The following MYO10 variants were observed in gnomAD, a reference collection of about 807,000 sequenced individuals.
MYO10 encodes unconventional myosin-X.
In MYO10, 133 loss-of-function variants were observed where a neutral mutation model predicts 257.3. That is an observed-to-expected ratio of 0.52 (90% CI 0.45 to 0.60). The LOEUF (loss-of-function observed/expected upper bound fraction) is 0.60. Among genes scored for constraint, MYO10 ranks in the 20% least tolerant of loss-of-function variants. The probability of loss-of-function intolerance (pLI) is 0.00; values close to 1 mark genes in which losing one functional copy is unlikely to be tolerated. For missense variants in MYO10, 2,399 were observed against 2,635.7 expected, an observed-to-expected ratio of 0.91 and a Z score of 1.97; for synonymous variants, 1,104 against 1,028.6, an observed-to-expected ratio of 1.07 and a Z score of -1.40.
At chr5:16,926,252 T>C (rs2650458) in intron 1 of MYO10, among the ~76,000 whole-genome samples, 68,448 of 152,056 alleles carry the variant, frequency 0.45, 15,756 homozygotes, top group African/African-American at 0.53. Flanking sequence ...GATAATGAAA[T>C]TAAAATACTT....
intron 3 of MYO10, among the ~76,000 whole-genome samples, chr5:16,802,094 G>A (rs1463824848): frequency 6.6e-6 from 1 of 152,136 alleles, no homozygotes. Context: ...GATAGAGAAA[G>A]TGGAAATGTA....
intron 9 of MYO10, among the ~76,000 whole-genome samples, 170 bp downstream of exon 9, chr5:16,779,375 A>C (rs1741331952): frequency 6.6e-6 from 1 of 151,870 alleles, no homozygotes. Context: ...TAGAACTTGG[A>C]ACAAGTTCAT....
At chr5:16,856,005 T>C (rs1194720884) in intron 2 of MYO10, among the ~76,000 whole-genome samples, 1 of 152,206 alleles carries the variant, frequency 6.6e-6, no homozygotes, top group Non-Finnish European at 1.5e-5. Flanking sequence ...GACTTTAACG[T>C]CTGAAACGAA....
intron 2 of MYO10, among the ~76,000 whole-genome samples, chr5:16,861,229 T>A: frequency 6.7e-6 from 1 of 150,182 alleles, no homozygotes; most frequent in Non-Finnish European, 1.5e-5. Context: ...TTTCTTTAAA[T>A]TGGCCCTTCC....
intron 4 of MYO10, among the ~76,000 whole-genome samples, chr5:16,791,390 A>C (rs539646972): frequency 6.6e-6 from 1 of 151,420 alleles, no homozygotes; most frequent in East Asian, 1.9e-4. Context: ...TCTATTCTTA[A>C]AGTCTCTGTT....
chr5:16,669,669 A>G (rs749906934), intron 39 of MYO10, among the ~76,000 whole-genome samples: 51 of 152,206 alleles, frequency 3.4e-4, no homozygotes, highest in Non-Finnish European at 6.3e-4. Flanking sequence ...AACCAAACCA[A>G]TCAAAAACAT....
chr5:16,765,115 A>C (rs185854898), intron 11 of MYO10, among the ~76,000 whole-genome samples: 1 of 152,184 alleles, frequency 6.6e-6, no homozygotes, highest in Non-Finnish European at 1.5e-5. Context: ...AATTAAAAAC[A>C]TATTAGAGGA....
At chr5:16,921,522 T>C (rs969693304) in intron 1 of MYO10, among the ~76,000 whole-genome samples, 2 of 150,132 alleles carry the variant, frequency 1.3e-5, no homozygotes, top group African/African-American at 4.9e-5. Context: ...TCCCAAAGAA[T>C]AAAATTTCCA....
intron 19 of MYO10, chr5:16,738,124 A>G: frequency 1.0e-6 from 1 of 985,002 alleles, no homozygotes; most frequent in Non-Finnish European, 1.2e-6. Context: ...TACACAGGGG[A>G]GAGGTACTCA....
chr5:16,878,301 A>T (rs1744661709), intron 1 of MYO10, among the ~76,000 whole-genome samples: 1 of 152,218 alleles, frequency 6.6e-6, no homozygotes, highest in Non-Finnish European at 1.5e-5. Context: ...ACTCTCCAAA[A>T]GAGGAACTGA....
intron 21 of MYO10, among the ~76,000 whole-genome samples, chr5:16,706,234 C>T (rs558214296): frequency 4.0e-5 from 6 of 151,844 alleles, no homozygotes; most frequent in Non-Finnish European, 8.8e-5. Context: ...CATATATATA[C>T]ACACTCATAT....
intron 19 of MYO10, among the ~76,000 whole-genome samples, chr5:16,715,087 A>C (rs1738791053): frequency 1.3e-5 from 2 of 151,438 alleles, no homozygotes; most frequent in South Asian, 4.2e-4. Flanking sequence ...TCCCATCAAT[A>C]CACAACAAAA....
At chr5:16,757,307 C>CACACACACAA (rs1388132179) in intron 18 of MYO10, among the ~76,000 whole-genome samples, 1,156 of 78,408 alleles carry the variant, frequency 0.015, 28 homozygotes, top group African/African-American at 0.05. Context: ...CACAAACACA[C>CACACACACAA]ACACACACGC....
At chr5:16,718,193 G>A (rs1738973191) in intron 19 of MYO10, among the ~76,000 whole-genome samples, 1 of 152,222 alleles carries the variant, frequency 6.6e-6, no homozygotes, top group Non-Finnish European at 1.5e-5. Context: ...TTCCCGTGGA[G>A]CAAGGCTCGG....
chr5:16,762,056 A>G lies in MYO10; in HGVS notation c.1645T>C (p.Tyr549His). The G allele has an allele frequency of 6.5e-7, 1 of 1,532,748 alleles. No homozygotes were observed. Among genetic ancestry groups the G allele is most frequent in the Non-Finnish European group, 8.8e-7 (1 of 1,142,564 alleles). The allele number at this position is 1,532,748 out of a possible 1,614,324, so 94.9% of individuals were successfully genotyped here. A position where few individuals can be genotyped will look rare whatever the true frequency, so the allele number is the denominator to read the frequency against. ...VAVNNFGVKH[Y>H]AGEVQYDVRG... ...TAATAAAAAGTTACCTCTCCAGCAT[A>G]GTGCTTCACTCCAAAATTGTTAACT... Residue 549 changes from tyrosine (Y) to histidine (H), a missense_variant, in exon 16 of 41, where the codon TAT (tyrosine) becomes CAT (histidine). Tyr to His is a moderately conservative substitution (Grantham distance 83). This residue lies in a region of MYO10 where 337 missense variants were observed against 446.8 expected (regional missense o/e 0.75). Transcript: ENST00000513610.
At chr5:16,851,136 G>A (rs17614137) in intron 2 of MYO10, among the ~76,000 whole-genome samples, 4,855 of 152,150 alleles carry the variant, frequency 0.032, 120 homozygotes, top group African/African-American at 0.054. Flanking sequence ...AATAGACAGC[G>A]TAAGACTTTA....
rs988244530 is a variant in MYO10 at position 16,665,980 on chromosome 5, A to G, written c.*712T>C. On this transcript the variant is annotated 3_prime_UTR_variant, in exon 41 of 41. Transcript: ENST00000513610. Reference sequence around the variant, plus strand: ...ACCTTATAAAGTAACAATTGAGACTATAGCTCTGCATTATTAAAATATACA... The same window carrying G: ...ACCTTATAAAGTAACAATTGAGACTGTAGCTCTGCATTATTAAAATATACA... 3 of 152,670 alleles carry G rather than the reference A, an allele frequency of 2.0e-5. No individual in the cohort carries two copies. Among genetic ancestry groups the G allele is most frequent in the African/African-American group, 7.2e-5 (3 of 41,464 alleles). 9.5% of individuals were successfully genotyped at this position (152,670 alleles called of 1,614,324 possible). A position where few individuals can be genotyped will look rare whatever the true frequency, so the allele number is the denominator to read the frequency against.
intron 19 of MYO10, among the ~76,000 whole-genome samples, chr5:16,717,387 TC>T (rs1738919169): frequency 6.6e-6 from 1 of 152,156 alleles, no homozygotes; most frequent in Non-Finnish European, 1.5e-5. Flanking sequence ...CCAGTGGCAA[TC>T]CGTCTTCTGG....
intron 2 of MYO10, among the ~76,000 whole-genome samples, chr5:16,850,722 A>T (rs1420433458): frequency 6.8e-6 from 1 of 147,746 alleles, no homozygotes; most frequent in African/African-American, 2.5e-5. Context: ...CTGATGCCTT[A>T]ATGTGATCGC....
Sources: gnomAD v4.1 joint callset for allele counts (sites outside exome capture counted in the v4.1 genomes callset) on GRCh38, gnomAD v4.1.1 for gene constraint, gnomAD v4.1.1 regional missense constraint, MANE v1.5 for transcripts, NCBI Gene and HGNC (gene_info 2026-07-23, HGNC 2026-07-21) for gene names.